Variants in CMSS1 observed in about 807,000 individuals in gnomAD.
CMSS1 encodes the protein protein CMSS1.
In CMSS1, 33 loss-of-function variants were observed where a neutral mutation model predicts 43.5. The ratio of observed to expected loss-of-function variants is 0.76; its 90% CI spans 0.57 to 1.01. The LOEUF (loss-of-function observed/expected upper bound fraction) is 1.01. CMSS1 is among the 50% of genes least tolerant of loss of function. The pLI, the probability that CMSS1 is intolerant of heterozygous loss-of-function variation, is 0.00. For missense variants in CMSS1, 313 were observed against 326.4 expected (o/e 0.96, Z 0.32); for synonymous variants, 115 against 117.2 (o/e 0.98, Z 0.12).
rs575681602 is a variant in CMSS1, at chr3:100,036,603, T to G, written c.65-110370T>G. On this transcript the variant is annotated intron_variant, in intron 1 of 9. Coordinates refer to ENST00000421999, the MANE Select transcript of CMSS1 (RefSeq NM_032359.4). ...TAATAAATGTAGAAGAAATATAGAT[T>G]AGAAAACCACCATTTTGCAGCCATC... Among the ~76,000 whole-genome samples the G allele has an allele frequency of 3.9e-5, 6 of 152,314 alleles. No homozygotes were observed. The East Asian group carries it at 1.2e-3, about 29-fold the overall frequency.
At chr3:99,825,514 A>G (rs895195425) in intron 1 of CMSS1, among the ~76,000 whole-genome samples, 5 of 152,206 alleles carry the variant, frequency 3.3e-5, no homozygotes, top group Admixed American at 1.3e-4. Flanking sequence ...TTTACTGCAT[A>G]TAATTTCCAC....
chr3:99,896,023 C>T (rs916339107), intron 1 of CMSS1, among the ~76,000 whole-genome samples: 1 of 152,004 alleles, frequency 6.6e-6, no homozygotes, highest in Non-Finnish European at 1.5e-5. Context: ...GGAACTGCCA[C>T]GGTTCCATAT....
chr3:100,108,058 C>A (rs923893479), intron 1 of CMSS1, among the ~76,000 whole-genome samples: 2 of 151,930 alleles, frequency 1.3e-5, no homozygotes, highest in Non-Finnish European at 2.9e-5. Context: ...CATACCTGTC[C>A]GTGGATGTGT....
chr3:99,971,257 G>A (rs527500685), intron 1 of CMSS1, among the ~76,000 whole-genome samples: 23 of 151,542 alleles, frequency 1.5e-4, no homozygotes, highest in South Asian at 2.1e-4. Flanking sequence ...GGAGAATGGC[G>A]TGAACCCGGG....
intron 1 of CMSS1, among the ~76,000 whole-genome samples, chr3:100,132,818 C>CAAAAAAAAA (rs537334560): frequency 1.5e-5 from 1 of 66,358 alleles, no homozygotes; most frequent in Non-Finnish European, 3.0e-5. Context: ...GACTCCATCC[C>CAAAAAAAAA]AAAAAAAAAA....
At chr3:100,146,887 T>C (rs1352764980) in intron 1 of CMSS1, 86 bp from the exon 2 acceptor site, 6 of 1,503,954 alleles carry the variant, frequency 4.0e-6, no homozygotes, top group Non-Finnish European at 5.4e-6. Flanking sequence ...AGTGAAGAGA[T>C]AGAACCTTCT....
chr3:99,943,483 C>T (rs1255980439), intron 1 of CMSS1, among the ~76,000 whole-genome samples: 1 of 152,150 alleles, frequency 6.6e-6, no homozygotes, highest in East Asian at 1.9e-4. Context: ...GCAGGTGGAT[C>T]ATCTGAGGTC....
intron 1 of CMSS1, among the ~76,000 whole-genome samples, chr3:99,960,940 A>G (rs756055033): frequency 2.6e-5 from 4 of 152,164 alleles, no homozygotes; most frequent in Non-Finnish European, 5.9e-5. Flanking sequence ...TCTATTTTTA[A>G]AAGTAACCAT....
intron 1 of CMSS1, among the ~76,000 whole-genome samples, chr3:99,992,371 TATA>T (rs1434525414): frequency 6.6e-6 from 1 of 152,142 alleles, no homozygotes; most frequent in Non-Finnish European, 1.5e-5. Flanking sequence ...TTCTGACTGA[TATA>T]AGGGAGTATC....
chr3:99,826,066 G>T (rs779746875), intron 1 of CMSS1, among the ~76,000 whole-genome samples: 1 of 152,004 alleles, frequency 6.6e-6, no homozygotes, highest in Non-Finnish European at 1.5e-5. Flanking sequence ...TGTGAGCCAC[G>T]GAGCCCGGCC....
chr3:99,963,907 C>T (rs527800636), intron 1 of CMSS1, among the ~76,000 whole-genome samples: 17 of 152,198 alleles, frequency 1.1e-4, no homozygotes, highest in Non-Finnish European at 1.8e-4. Context: ...TGAGCCACCG[C>T]GCCCAGCCAC....
chr3:99,855,875 G>A lies in CMSS1; in HGVS notation c.64+37832G>A, dbSNP rs115689260. 8.8e-3 allele frequency among the ~76,000 whole-genome samples: 1,334 copies of A among 152,264 alleles called. 21 individuals are homozygous for A. The highest frequency in any genetic ancestry group is 0.027 in the African/African-American group (1,104 of 41,544). ...TATATTTTAACATTTGCCATCTAAT[G>A]TAAAAGTCCTCATTAACAAATCGGA... On this transcript the variant is annotated intron_variant, in intron 1 of 9. Transcript: ENST00000421999.
chr3:100,122,048 A>G (rs910655412), intron 1 of CMSS1, among the ~76,000 whole-genome samples: 1 of 152,186 alleles, frequency 6.6e-6, no homozygotes, highest in East Asian at 1.9e-4. Context: ...AGAATTATGC[A>G]AGGAAGCAGA....
At chr3:99,956,183 T>G (rs986672808) in intron 1 of CMSS1, among the ~76,000 whole-genome samples, 7 of 152,160 alleles carry the variant, frequency 4.6e-5, no homozygotes, top group Admixed American at 4.6e-4. Context: ...TTTCTTCCAC[T>G]TATTCCTTAA....
chr3:100,115,571 C>CTCCG (rs1559762543), intron 1 of CMSS1, among the ~76,000 whole-genome samples: 5 of 118,372 alleles, frequency 4.2e-5, no homozygotes, highest in Non-Finnish European at 5.1e-5. Context: ...CTCTCTCTCT[C>CTCCG]TCTGTCTCTC....
intron 6 of CMSS1, among the ~76,000 whole-genome samples, chr3:100,170,062 C>G (rs1027070916): frequency 1.3e-5 from 2 of 152,146 alleles, no homozygotes; most frequent in African/African-American, 4.8e-5. Context: ...TTCATAAAGA[C>G]TAATATTTAA....
intron 1 of CMSS1, among the ~76,000 whole-genome samples, chr3:99,903,262 T>C (rs1251042175): frequency 6.6e-6 from 1 of 151,994 alleles, no homozygotes; most frequent in Non-Finnish European, 1.5e-5. Context: ...ATGCATGTTT[T>C]TTTTTTTGAG....
chr3:100,014,869 C>CTTTTTTTTTTTTTT lies in CMSS1; in HGVS notation c.65-132100_65-132099insTTTTTTTTTTTTTT, dbSNP rs1559725848. Among the ~76,000 whole-genome samples, 3 of 18,528 alleles carry CTTTTTTTTTTTTTT rather than the reference C, an allele frequency of 1.6e-4. 1 individual carries two copies. Among genetic ancestry groups the CTTTTTTTTTTTTTT allele is most frequent in the African/African-American group, 4.5e-4 (2 of 4,456 alleles). The allele number at this position is 18,528 out of a possible 152,430, so 12.2% of individuals were successfully genotyped here. A position where few individuals can be genotyped will look rare whatever the true frequency, so the allele number is the denominator to read the frequency against. On this transcript the variant is annotated intron_variant, in intron 1 of 9. Transcript: ENST00000421999. Reference sequence around the variant, plus strand: ...CTGATGCAACACCATTTGTCTTTTTCTTTTCTTTTTTTTTTTTCTTTCTTT... The same window carrying CTTTTTTTTTTTTTT: ...CTGATGCAACACCATTTGTCTTTTTCTTTTTTTTTTTTTTTTTTCTTTTTTTTTTTTCTTTCTTT...
At chr3:99,950,049 G>T (rs932949307) in intron 1 of CMSS1, among the ~76,000 whole-genome samples, 2 of 152,154 alleles carry the variant, frequency 1.3e-5, no homozygotes, top group Non-Finnish European at 2.9e-5. Context: ...ACCTGCTAAG[G>T]AGGATTGGGG....
Sources: gnomAD v4.1 joint callset for allele counts (sites outside exome capture counted in the v4.1 genomes callset) on GRCh38, gnomAD v4.1.1 for gene constraint, MANE v1.5 for transcripts, NCBI Gene and HGNC (gene_info 2026-07-23, HGNC 2026-07-21) for gene names.